The following BLK variants were observed in gnomAD, a reference collection of about 807,000 sequenced individuals.
The protein encoded by BLK is tyrosine-protein kinase Blk.
Under a neutral mutation model 61.8 loss-of-function variants are expected in BLK, and 64 were observed. The observed-to-expected ratio is 1.03, with a 90% CI of 0.85 to 1.27. BLK has a LOEUF of 1.27. Among genes scored for constraint, BLK ranks in the 50% most tolerant of loss-of-function variants. The pLI, the probability that BLK is intolerant of heterozygous loss-of-function variation, is 0.00. For synonymous variants in BLK, 351 were observed against 272.0 expected (o/e 1.29, Z -2.86); for missense variants, 853 against 660.5 (o/e 1.29, Z -3.19).
chr8:11,562,499 C>T (rs926421918), intron 11 of BLK, among the ~76,000 whole-genome samples: 2 of 152,208 alleles, frequency 1.3e-5, no homozygotes, highest in South Asian at 2.1e-4. Flanking sequence ...TGAGGTGCTT[C>T]ACAGGGCAGC....
chr8:11,535,265 A>AAAGAAAGG (rs753374618), intron 1 of BLK, among the ~76,000 whole-genome samples: 6 of 82,982 alleles, frequency 7.2e-5, no homozygotes, highest in African/African-American at 2.6e-4. Context: ...AAGAAAGAAG[A>AAAGAAAGG]AAGAAAGAAA....
chr8:11,504,406 G>GAAAAGAAAAGAAAAA (rs1798689664), intron 1 of BLK, among the ~76,000 whole-genome samples: 1 of 133,158 alleles, frequency 7.5e-6, no homozygotes, highest in Admixed American at 7.4e-5. Flanking sequence ...GAAAAGAAAA[G>GAAAAGAAAAGAAAAA]AAAAGAAAAA....
chr8:11,521,075 G>T (rs567878488), intron 1 of BLK, among the ~76,000 whole-genome samples: 12 of 152,188 alleles, frequency 7.9e-5, no homozygotes, highest in African/African-American at 2.6e-4. Context: ...TAATTTATGT[G>T]GTTCTATGCA....
chr8:11,548,102 G>C lies in BLK; in HGVS notation c.246G>C (p.Gly82=). Residue 82 remains glycine, a synonymous_variant, in exon 4 of 13, where the codon GGG becomes GGC. Transcript: ENST00000259089. ...ATCGGGACCTGCAGATGCTGAAGGGGGAGAAGCTACAGGTCCTGAAGGGGT... is the reference window on the plus strand; with the variant it reads ...ATCGGGACCTGCAGATGCTGAAGGGCGAGAAGCTACAGGTCCTGAAGGGGT... The part of the protein sequence containing the change: ...MNDRDLQMLK[G]EKLQVLKGTG... 6.2e-7 allele frequency: 1 copy of C among 1,613,636 alleles called. No homozygotes were observed. The highest frequency in any genetic ancestry group is 8.5e-7 in the Non-Finnish European group (1 of 1,179,988).
chr8:11,525,816 C>G (rs545910554), intron 1 of BLK, among the ~76,000 whole-genome samples: 32 of 152,258 alleles, frequency 2.1e-4, no homozygotes, highest in Admixed American at 1.9e-3. Context: ...ATGATCTCGG[C>G]TCACTGTAAT....
At chr8:11,539,724 C>A (rs1196919291) in intron 1 of BLK, among the ~76,000 whole-genome samples, 1 of 152,152 alleles carries the variant, frequency 6.6e-6, no homozygotes, top group Admixed American at 6.5e-5. Flanking sequence ...AATTTGGATT[C>A]AGCAATGAAT....
intron 8 of BLK, chr8:11,555,719 C>A (rs1801181869): frequency 3.0e-6 from 2 of 657,088 alleles, no homozygotes; most frequent in South Asian, 1.8e-5. Flanking sequence ...CCAGCTCACC[C>A]AGCCCCGAAG....
rs779147907 is a variant in BLK, at chr8:11,564,071, A to G, written c.1481A>G (p.Tyr494Cys). Residue 494 changes from tyrosine to cysteine, a missense_variant, in exon 13 of 13, where the codon TAC (tyrosine) becomes TGC (cysteine). Tyr to Cys is a radical substitution (Grantham distance 194, BLOSUM62 -2). Coordinates refer to ENST00000259089, the MANE Select transcript of BLK (RefSeq NM_001715.3). Reference protein sequence around the residue: ...EFLQSVLEDFYTATERQYELQ... With the variant: ...EFLQSVLEDFCTATERQYELQ... ...CTGCAGTCGGTGCTGGAGGACTTCT[A>G]CACGGCCACCGAGCGGCAGTACGAG... 2 of 1,596,206 alleles carry G rather than the reference A, an allele frequency of 1.3e-6. No homozygotes were observed. The highest frequency in any genetic ancestry group is 2.2e-5 in the South Asian group (2 of 89,828).
chr8:11,540,746 T>C (rs528124808), intron 1 of BLK, among the ~76,000 whole-genome samples: 2 of 152,120 alleles, frequency 1.3e-5, no homozygotes, highest in African/African-American at 4.8e-5. Flanking sequence ...GAAATGTCTT[T>C]AAAGATTTAC....
At chr8:11,502,447 G>A (rs971462778) in intron 1 of BLK, among the ~76,000 whole-genome samples, 18 of 152,132 alleles carry the variant, frequency 1.2e-4, no homozygotes, top group African/African-American at 4.3e-4. Flanking sequence ...GGGATTACAG[G>A]CACCCGCCAC....
chr8:11,501,358 T>C (rs972775080), intron 1 of BLK, among the ~76,000 whole-genome samples: 40 of 148,040 alleles, frequency 2.7e-4, no homozygotes, highest in South Asian at 8.5e-4. Context: ...TCTCTCTCTT[T>C]TTTTTTTTTT....
chr8:11,499,837 T>C lies in BLK; in HGVS notation c.-2+5246T>C, dbSNP rs549367663. ...GACAGCATGTCACAGTTTGTATTTC[T>C]GTGCACCAGCTTTATACACATTTTT... On this transcript the variant is annotated intron_variant, in intron 1 of 12. Transcript: ENST00000259089. 2.0e-3 allele frequency among the ~76,000 whole-genome samples: 301 copies of C among 152,362 alleles called. 4 individuals are homozygous for C. Among genetic ancestry groups the C allele is most frequent in the African/African-American group, 7.0e-3 (292 of 41,584 alleles).
chr8:11,554,796 C>G lies in BLK; in HGVS notation c.526C>G (p.His176Asp). Residue 176 changes from histidine to aspartate, a missense_variant, in exon 7 of 13, where the codon CAC becomes GAC. Transcript: ENST00000259089. ...CACCACCCAGGGGGAGCTGATCAAGCACTATAAGATCCGCTGCCTGGATGA... is the reference window on the plus strand; with the variant it reads ...CACCACCCAGGGGGAGCTGATCAAGGACTATAAGATCCGCTGCCTGGATGA... ...DVTTQGELIK[H>D]YKIRCLDEGG... The G allele has an allele frequency of 6.2e-7, 1 of 1,614,096 alleles. No homozygotes were observed. Among genetic ancestry groups the G allele is most frequent in the Non-Finnish European group, 8.5e-7 (1 of 1,180,038 alleles).
Position 11,548,106 on chromosome 8 carries a change from A to G in BLK, c.250A>G (p.Lys84Glu). Reference sequence around the variant, plus strand: ...GGACCTGCAGATGCTGAAGGGGGAGAAGCTACAGGTCCTGAAGGGGTGAGG... The same window carrying G: ...GGACCTGCAGATGCTGAAGGGGGAGGAGCTACAGGTCCTGAAGGGGTGAGG... Reference protein sequence around the residue: ...DRDLQMLKGEKLQVLKGTGDW... With the variant: ...DRDLQMLKGEELQVLKGTGDW... Residue 84 changes from lysine to glutamate, a missense_variant, in exon 4 of 13, where the codon AAG (lysine) becomes GAG (glutamate). Transcript: ENST00000259089. 1 of 1,613,346 alleles carries G rather than the reference A, an allele frequency of 6.2e-7. No homozygotes were observed. Among genetic ancestry groups the G allele is most frequent in the Non-Finnish European group, 8.5e-7 (1 of 1,179,912 alleles).
At chr8:11,500,537 A>T (rs1798517254) in intron 1 of BLK, among the ~76,000 whole-genome samples, 1 of 151,048 alleles carries the variant, frequency 6.6e-6, no homozygotes, top group African/African-American at 2.4e-5. Flanking sequence ...TTTGTTTGAG[A>T]TAGGGTCTCG....
Position 11,511,446 on chromosome 8 carries a change from A to C in BLK, c.-2+16855A>C, listed in dbSNP as rs1255649700. 5.2e-4 allele frequency among the ~76,000 whole-genome samples: 79 copies of C among 151,834 alleles called. 2 individuals are homozygous for C. Among genetic ancestry groups the C allele is most frequent in the Admixed American group, 5.2e-3 (79 of 15,244 alleles). ...TACCCTAAAACTTAAAGTATTAAAAAAAAAATCAGTTTCTGTTAACAACAA... is the reference window on the plus strand; with the variant it reads ...TACCCTAAAACTTAAAGTATTAAAACAAAAATCAGTTTCTGTTAACAACAA... On this transcript the variant is annotated intron_variant, in intron 1 of 12. Transcript: ENST00000259089.
chr8:11,550,124 C>A (rs569437248), intron 5 of BLK, 35 bp from the exon 6 acceptor site: 2 of 1,568,472 alleles, frequency 1.3e-6, no homozygotes, highest in Non-Finnish European at 1.8e-6. Flanking sequence ...GGAGCAGGGT[C>A]GCTCTGAGTT....
In BLK at chr8:11,543,088, C is replaced by A. The variant is rs552766911; in HGVS notation, c.-1-136C>A. ...CCACCCGCTTCTACCCACGTTCTGA[C>A]TTTGAGGTCTTTGCTGCACCCACTT... On this transcript the variant is annotated intron_variant, in intron 1 of 12. Coordinates refer to ENST00000259089, the MANE Select transcript of BLK (RefSeq NM_001715.3). 460 of 1,386,554 alleles carry A rather than the reference C, an allele frequency of 3.3e-4. No individual in the cohort carries two copies. The African/African-American group carries it at 5.0e-3, about 15-fold the overall frequency. 85.9% of individuals were successfully genotyped at this position (1,386,554 alleles called of 1,614,324 possible). A position where few individuals can be genotyped will look rare whatever the true frequency, so the allele number is the denominator to read the frequency against.
At chr8:11,504,412 A>AAAAGAAAAG (rs149656194) in intron 1 of BLK, among the ~76,000 whole-genome samples, 101 of 140,902 alleles carry the variant, frequency 7.2e-4, no homozygotes, top group African/African-American at 2.4e-3. Context: ...AAAAGAAAAG[A>AAAAGAAAAG]AAAAAAAAAG....
Sources: allele counts gnomAD v4.1 joint callset (sites outside exome capture counted in the v4.1 genomes callset), GRCh38; gene constraint gnomAD v4.1.1; transcripts MANE v1.5; gene names NCBI Gene and HGNC (gene_info 2026-07-23, HGNC 2026-07-21).